The following TSC22D3 variants were observed in gnomAD, a reference collection of about 807,000 sequenced individuals.
TSC22D3 encodes the protein TSC22 domain family member 3.
TSC22D3 carries 4 observed loss-of-function variants against 11.1 expected under a neutral mutation model. The ratio of observed to expected loss-of-function variants is 0.36; its 90% CI spans 0.18 to 0.83. TSC22D3 has a LOEUF of 0.83. Among genes scored for constraint, TSC22D3 ranks in the 40% least tolerant of loss-of-function variants. TSC22D3 has a pLI of 0.48. For missense variants in TSC22D3, 118 were observed against 159.4 expected (o/e 0.74, Z 1.40); for synonymous variants, 77 against 70.3 (o/e 1.10, Z -0.48).
intron 1 of TSC22D3, chrX:107,716,225 C>G (rs1927017903): frequency 1.1e-6 from 1 of 874,277 alleles, no homozygotes; most frequent in Non-Finnish European, 1.5e-6. Flanking sequence ...CGCAGGCCAC[C>G]GTGGCCTGCT....
intron 1 of TSC22D3, among the ~76,000 whole-genome samples, chrX:107,742,902 G>C (rs1928484458): frequency 8.9e-6 from 1 of 112,121 alleles, no homozygotes; most frequent in Non-Finnish European, 1.9e-5. Flanking sequence ...CGGGAGCCCC[G>C]AGAGCAGCGC....
chrX:107,761,593 T>A (rs1929439062), intron 1 of TSC22D3, among the ~76,000 whole-genome samples: 2 of 112,258 alleles, frequency 1.8e-5, no homozygotes, highest in South Asian at 7.4e-4. Context: ...CTCTTCACAG[T>A]CTTCCTGATC....
At position 107,759,952 on chromosome X, in the gene TSC22D3, C is replaced by T. The variant is rs1807920371; in HGVS notation, c.320+15148G>A. ...GAGTGTCTTCAGGAGCTCCCAGGCC[C>T]TGAGGGAAGCCTGGAGCTCCTGGGG... On this transcript the variant is annotated intron_variant, in intron 1 of 2. Coordinates refer to ENST00000372383, the MANE Select transcript of TSC22D3 (RefSeq NM_198057.3). Among the ~76,000 whole-genome samples the T allele has an allele frequency of 5.3e-5, 6 of 112,221 alleles. No individual in the cohort carries two copies. The South Asian group carries it at 2.2e-3, about 42-fold the overall frequency.
intron 1 of TSC22D3, among the ~76,000 whole-genome samples, chrX:107,747,270 G>T: frequency 8.9e-6 from 1 of 112,458 alleles, no homozygotes; most frequent in Non-Finnish European, 1.9e-5. Flanking sequence ...ACACGCCCTG[G>T]GACCACATCT....
At chrX:107,743,226 C>T (rs1481670575) in intron 1 of TSC22D3, among the ~76,000 whole-genome samples, 2 of 112,352 alleles carry the variant, frequency 1.8e-5, no homozygotes, top group Non-Finnish European at 1.9e-5. Context: ...CACCAGCTTC[C>T]ACACTGGAAG....
chrX:107,767,445 T>C (rs1401124335), intron 1 of TSC22D3, among the ~76,000 whole-genome samples: 1 of 111,532 alleles, frequency 9.0e-6, no homozygotes, highest in Non-Finnish European at 1.9e-5. Context: ...GCTGGGATCT[T>C]AATGCCTCTT....
At chrX:107,734,062 C>T (rs1050094652) in intron 1 of TSC22D3, among the ~76,000 whole-genome samples, 1 of 112,207 alleles carries the variant, frequency 8.9e-6, no homozygotes, top group African/African-American at 3.2e-5. Flanking sequence ...CACCACCTTT[C>T]CCCCAGGGAT....
chrX:107,743,160 AG>A (rs1223953517), intron 1 of TSC22D3, among the ~76,000 whole-genome samples: 1 of 112,867 alleles, frequency 8.9e-6, no homozygotes, highest in African/African-American at 3.2e-5. Flanking sequence ...CTACGGGAGA[AG>A]CCAGTTCCGA....
At chrX:107,741,317 T>C (rs1928392928) in intron 1 of TSC22D3, among the ~76,000 whole-genome samples, 1 of 112,472 alleles carries the variant, frequency 8.9e-6, no homozygotes, top group African/African-American at 3.2e-5. Flanking sequence ...TAGATCCCCC[T>C]TTCCCTTTCT....
chrX:107,742,356 G>A (rs1246172240), intron 1 of TSC22D3, among the ~76,000 whole-genome samples: 2 of 98,647 alleles, frequency 2.0e-5, no homozygotes, highest in African/African-American at 7.3e-5. Flanking sequence ...AGGAAGGGGG[G>A]AGGGAGCGGG....
At chrX:107,766,406 C>T in intron 1 of TSC22D3, among the ~76,000 whole-genome samples, 1 of 109,820 alleles carries the variant, frequency 9.1e-6, no homozygotes, top group East Asian at 2.9e-4. Flanking sequence ...GCTCCTCCAC[C>T]TTCCGGTAAA....
Position 107,775,182 on chromosome X carries a change from C to A in TSC22D3, c.238G>T (p.Asp80Tyr), listed in dbSNP as rs144619048. 4 of 1,211,899 alleles carry A rather than the reference C, an allele frequency of 3.3e-6. No individual in the cohort carries two copies. Among genetic ancestry groups the A allele is most frequent in the Non-Finnish European group, 4.5e-6 (4 of 895,578 alleles). ...CCCTCGTTGATCAGGTAGCAGGGGT[C>A]CCGCAGCACCGGCTCTAGCGAATCC... ...RQDSLEPVLR[D>Y]PCYLINEGIC... Residue 80 changes from aspartate to tyrosine, a missense_variant, in exon 1 of 3, where the codon GAC becomes TAC. Asp to Tyr is a radical substitution (Grantham distance 160, BLOSUM62 -3). Coordinates refer to ENST00000372383, the MANE Select transcript of TSC22D3 (RefSeq NM_198057.3).
intron 1 of TSC22D3, among the ~76,000 whole-genome samples, chrX:107,742,163 G>A (rs2147757500): frequency 9.1e-6 from 1 of 110,109 alleles, no homozygotes; most frequent in East Asian, 2.9e-4. Flanking sequence ...TGGGCTTCCG[G>A]GTGCCTTCAC....
chrX:107,773,644 C>G (rs1219397025), intron 1 of TSC22D3, among the ~76,000 whole-genome samples: 3 of 111,663 alleles, frequency 2.7e-5, no homozygotes, highest in Non-Finnish European at 3.8e-5. Flanking sequence ...TAATTTGATG[C>G]CTAAAGTGAA....
rs1470188534 is a variant in TSC22D3, at chrX:107,765,270, A to G, written c.320+9830T>C. Among the ~76,000 whole-genome samples, 5 of 111,881 alleles carry G rather than the reference A, an allele frequency of 4.5e-5. No homozygotes were observed. In the Admixed American group the frequency reaches 4.7e-4, roughly 11 times the overall value. ...TGCTTTGGCACCATCCAAGCTCCAG[A>G]CCTGCAGACCCCAGGAGCAGTAAGC... is the stretch of plus-strand genomic sequence containing the variant. On this transcript the variant is annotated intron_variant, in intron 1 of 2. Transcript: ENST00000372383.
chrX:107,732,607 A>G (rs1318560044), intron 1 of TSC22D3, among the ~76,000 whole-genome samples: 2 of 111,556 alleles, frequency 1.8e-5, no homozygotes, highest in African/African-American at 6.5e-5. Context: ...CGAACGAGTG[A>G]ATCTTCAGGG....
At chrX:107,769,695 T>C (rs1317864495) in intron 1 of TSC22D3, among the ~76,000 whole-genome samples, 1 of 104,036 alleles carries the variant, frequency 9.6e-6, no homozygotes, top group Admixed American at 1.0e-4. Flanking sequence ...ATGCATATAA[T>C]ACATCTCTCT....
At chrX:107,722,853 C>T (rs1001685941) in intron 1 of TSC22D3, among the ~76,000 whole-genome samples, 1 of 111,935 alleles carries the variant, frequency 8.9e-6, no homozygotes, top group Admixed American at 9.4e-5. Context: ...CAATTCAAAT[C>T]AGTTCAATTC....
chrX:107,769,537 G>A (rs1463217818), intron 1 of TSC22D3, among the ~76,000 whole-genome samples: 6 of 110,951 alleles, frequency 5.4e-5, no homozygotes, highest in Non-Finnish European at 9.4e-5. Context: ...TTTTTGTTTG[G>A]GATGATGACA....
Sources: gnomAD v4.1 joint callset for allele counts (sites outside exome capture counted in the v4.1 genomes callset) on GRCh38, gnomAD v4.1.1 for gene constraint, MANE v1.5 for transcripts, NCBI Gene and HGNC (gene_info 2026-07-23, HGNC 2026-07-21) for gene names.